The following ZNF385D variants were observed in gnomAD, a reference collection of about 807,000 sequenced individuals.
ZNF385D encodes the protein zinc finger protein 659.
Under a neutral mutation model 35.8 loss-of-function variants are expected in ZNF385D, and 15 were observed. The observed-to-expected ratio is 0.42, with a 90% confidence interval of 0.28 to 0.64. ZNF385D has a LOEUF of 0.64. Among genes scored for constraint, ZNF385D ranks in the 30% least tolerant of loss-of-function variants. ZNF385D has a pLI of 0.23. For missense variants in ZNF385D, 474 were observed against 494.6 expected (o/e 0.96, Z 0.39); for synonymous variants, 212 against 186.8 (o/e 1.13, Z -1.10).
intron 4 of ZNF385D, among the ~76,000 whole-genome samples, chr3:21,445,391 CTATT>C (rs1352648732): frequency 3.9e-5 from 6 of 152,192 alleles, no homozygotes; most frequent in African/African-American, 1.4e-4. Flanking sequence ...TACAAGCTCT[CTATT>C]TAAAGAGAGA....
At chr3:21,725,751 T>C (rs2068732554) in intron 1 of ZNF385D, among the ~76,000 whole-genome samples, 1 of 152,046 alleles carries the variant, frequency 6.6e-6, no homozygotes, top group Admixed American at 6.5e-5. Flanking sequence ...CTACCAGAGG[T>C]ACAAACAGTA....
At chr3:22,083,207 G>T (rs1439478543) in intron 3 of ZNF385D, among the ~76,000 whole-genome samples, 1 of 152,228 alleles carries the variant, frequency 6.6e-6, no homozygotes, top group African/African-American at 2.4e-5. Flanking sequence ...CGCCAGCAAT[G>T]GAACAAAGCT....
chr3:22,196,240 T>C (rs1028584316), intron 2 of ZNF385D, among the ~76,000 whole-genome samples: 3 of 152,090 alleles, frequency 2.0e-5, no homozygotes, highest in South Asian at 2.1e-4. Context: ...GCTATGCATG[T>C]AGGTTTTGAG....
At chr3:22,271,456 A>C (rs775773555) in intron 2 of ZNF385D, among the ~76,000 whole-genome samples, 2 of 151,906 alleles carry the variant, frequency 1.3e-5, no homozygotes, top group Non-Finnish European at 2.9e-5. Context: ...AAACAAACCT[A>C]ACTGCATAGA....
chr3:21,447,965 T>C (rs1702245134), intron 4 of ZNF385D, among the ~76,000 whole-genome samples: 1 of 152,202 alleles, frequency 6.6e-6, no homozygotes, highest in Admixed American at 6.5e-5. Flanking sequence ...GGAAATAATT[T>C]AGAACATTAT....
intron 3 of ZNF385D, among the ~76,000 whole-genome samples, chr3:22,070,792 A>G (rs1700191696): frequency 6.6e-6 from 1 of 152,214 alleles, no homozygotes; most frequent in Non-Finnish European, 1.5e-5. Context: ...CATTAAAATT[A>G]ATGAACAAGT....
At chr3:22,030,276 TA>T (rs1697875979) in intron 3 of ZNF385D, among the ~76,000 whole-genome samples, 7 of 103,612 alleles carry the variant, frequency 6.8e-5, no homozygotes, top group Non-Finnish European at 1.2e-4. Context: ...TATATATATA[TA>T]TATATATATA....
At chr3:22,248,958 A>C (rs754550672) in intron 2 of ZNF385D, among the ~76,000 whole-genome samples, 19 of 152,136 alleles carry the variant, frequency 1.2e-4, no homozygotes, top group Non-Finnish European at 2.1e-4. Context: ...GAAAGCCCAT[A>C]TGCAGGAGAG....
At chr3:22,288,735 T>C (rs1702148536) in intron 2 of ZNF385D, among the ~76,000 whole-genome samples, 1 of 152,260 alleles carries the variant, frequency 6.6e-6, no homozygotes, top group Admixed American at 6.5e-5. Context: ...CATCTAAAGA[T>C]TTATCTTGTT....
At chr3:21,768,853 CCTT>C (rs747667079) in intron 3 of ZNF385D, among the ~76,000 whole-genome samples, 16 of 151,852 alleles carry the variant, frequency 1.1e-4, no homozygotes, top group Non-Finnish European at 2.1e-4. Context: ...TTTTTTCCCT[CCTT>C]TGATTATTCT....
At chr3:22,300,447 A>C (rs1306679534) in intron 2 of ZNF385D, among the ~76,000 whole-genome samples, 1 of 151,636 alleles carries the variant, frequency 6.6e-6, no homozygotes, top group Non-Finnish European at 1.5e-5. Context: ...AAATGAGATG[A>C]TATCAAAGTA....
At chr3:22,216,414 T>C (rs1169209027) in intron 2 of ZNF385D, among the ~76,000 whole-genome samples, 2 of 152,056 alleles carry the variant, frequency 1.3e-5, no homozygotes, top group African/African-American at 4.8e-5. Context: ...ATTTGTGGAA[T>C]GTACAGGAAA....
intron 2 of ZNF385D, among the ~76,000 whole-genome samples, chr3:21,642,243 T>A: frequency 6.6e-6 from 1 of 152,140 alleles, no homozygotes; most frequent in Non-Finnish European, 1.5e-5. Flanking sequence ...TTGCATTCCA[T>A]CGCAGAACTG....
At chr3:21,600,569 GAAC>G in intron 2 of ZNF385D, among the ~76,000 whole-genome samples, 1 of 152,248 alleles carries the variant, frequency 6.6e-6, no homozygotes, top group African/African-American at 2.4e-5. Flanking sequence ...TACTCATGCA[GAAC>G]ATCAAGTTGG....
intron 3 of ZNF385D, among the ~76,000 whole-genome samples, chr3:22,048,968 T>G (rs1699178034): frequency 6.6e-6 from 1 of 152,170 alleles, no homozygotes; most frequent in Non-Finnish European, 1.5e-5. Flanking sequence ...TCTTGACTTT[T>G]TCTTTGTTGG....
At chr3:21,536,831 C>T (rs1187719490) in intron 3 of ZNF385D, among the ~76,000 whole-genome samples, 10 of 151,978 alleles carry the variant, frequency 6.6e-5, no homozygotes, top group Admixed American at 2.6e-4. Flanking sequence ...CAAGAGATGA[C>T]GACACTTGAG....
chr3:21,873,531 CA>C (rs1481165317), intron 3 of ZNF385D, among the ~76,000 whole-genome samples: 1 of 152,032 alleles, frequency 6.6e-6, no homozygotes, highest in Non-Finnish European at 1.5e-5. Context: ...TTTAGGTGTA[CA>C]GTATGGTATT....
chr3:21,979,765 A>G (rs1170137820), intron 3 of ZNF385D: 1 of 152,168 alleles, frequency 6.6e-6, no homozygotes, highest in African/African-American at 2.4e-5. Context: ...AAGTAGAGAA[A>G]GAAAGCACCA....
chr3:21,454,152 T>A (rs1006917243), intron 4 of ZNF385D, among the ~76,000 whole-genome samples: 1 of 151,924 alleles, frequency 6.6e-6, no homozygotes, highest in African/African-American at 2.4e-5. Flanking sequence ...ATAAGAACAT[T>A]CATAGAGACA....
Sources: gnomAD v4.1 joint callset for allele counts (sites outside exome capture counted in the v4.1 genomes callset) on GRCh38, gnomAD v4.1.1 for gene constraint, MANE v1.5 for transcripts, NCBI Gene and HGNC (gene_info 2026-07-23, HGNC 2026-07-21) for gene names.